GLT1D1: variants seen among roughly 807,000 people sequenced by gnomAD.
GLT1D1 encodes glycosyltransferase 1 domain-containing protein 1.
In GLT1D1, 21 loss-of-function variants were observed where a neutral mutation model predicts 28.7. The ratio of observed to expected loss-of-function variants is 0.73; its 90% CI spans 0.52 to 1.05. The LOEUF is 1.05. Among genes scored for constraint, GLT1D1 ranks in the 50% least tolerant of loss-of-function variants. The probability of loss-of-function intolerance (pLI) is 0.00; values close to 1 mark genes in which losing one functional copy is unlikely to be tolerated. For missense variants in GLT1D1, 343 were observed against 330.6 expected, an observed-to-expected ratio of 1.04 and a Z score of -0.29; for synonymous variants, 147 against 124.8, an observed-to-expected ratio of 1.18 and a Z score of -1.19.
At chr12:128,897,405 T>C (rs1234762200) in intron 3 of GLT1D1, among the ~76,000 whole-genome samples, 2 of 152,196 alleles carry the variant, frequency 1.3e-5, no homozygotes, top group Non-Finnish European at 2.9e-5. Context: ...TTTTTATCTT[T>C]AGAATTAATT....
At chr12:128,896,473 A>G (rs1023513133) in intron 3 of GLT1D1, among the ~76,000 whole-genome samples, 1 of 151,768 alleles carries the variant, frequency 6.6e-6, no homozygotes, top group Admixed American at 6.6e-5. Flanking sequence ...TTTAACCATG[A>G]CTAGCTTTTT....
At chr12:128,908,361 T>TTTCTTTCTTTCTTTCCCTTTCTTTC (rs1555266884) in intron 4 of GLT1D1, among the ~76,000 whole-genome samples, 1 of 119,920 alleles carries the variant, frequency 8.3e-6, no homozygotes, top group African/African-American at 3.0e-5. Flanking sequence ...TCTTTCTTTC[T>TTTCTTTCTTTCTTTCCCTTTCTTTC]TTTCTTTCTT....
intron 7 of GLT1D1, among the ~76,000 whole-genome samples, chr12:128,967,021 C>T (rs60967945): frequency 0.028 from 4,190 of 152,220 alleles, 168 homozygotes; most frequent in African/African-American, 0.088. Context: ...TTTATAGCTT[C>T]GAAATTAAAA....
chr12:128,934,434 T>C (rs1033272516), intron 4 of GLT1D1, among the ~76,000 whole-genome samples: 2 of 152,156 alleles, frequency 1.3e-5, no homozygotes, highest in Non-Finnish European at 1.5e-5. Context: ...CTTCAGGTGA[T>C]CCACCCGCCT....
rs1303061375 is a variant in GLT1D1, at chr12:128,897,737, C to T, written c.324-1499C>T. ...AGGCTGGAGTGCAGTGGCACGATCT[C>T]GGCTCACTGCAAGCTCCGCCTCCCG... On this transcript the variant is annotated intron_variant, in intron 3 of 7. Transcript: ENST00000281703. Among the ~76,000 whole-genome samples the T allele has an allele frequency of 7.2e-5, 11 of 151,728 alleles. No homozygotes were observed. In the East Asian group the frequency reaches 1.2e-3, roughly 16 times the overall value.
chr12:128,948,269 G>A (rs1369046666), intron 6 of GLT1D1, among the ~76,000 whole-genome samples: 1 of 152,142 alleles, frequency 6.6e-6, no homozygotes, highest in Non-Finnish European at 1.5e-5. Context: ...GTCCTAGAGA[G>A]AATCACCAGC....
At chr12:128,864,882 C>T (rs578140865) in intron 1 of GLT1D1, among the ~76,000 whole-genome samples, 22 of 152,202 alleles carry the variant, frequency 1.4e-4, no homozygotes, top group African/African-American at 4.1e-4. Flanking sequence ...GGGCACTTGA[C>T]GGTGTGCCTG....
chr12:128,889,513 C>A (rs113434692), intron 3 of GLT1D1, among the ~76,000 whole-genome samples: 178 of 152,282 alleles, frequency 1.2e-3, no homozygotes, highest in African/African-American at 3.8e-3. Flanking sequence ...CCTCCAGGTA[C>A]CACAACTACC....
chr12:128,860,863 G>C (rs1189693495), intron 1 of GLT1D1, among the ~76,000 whole-genome samples: 1 of 152,202 alleles, frequency 6.6e-6, no homozygotes, highest in Admixed American at 6.6e-5. Flanking sequence ...ACATTTGCCA[G>C]GAGAGCCAGG....
At chr12:128,877,492 C>T (rs947775063) in intron 2 of GLT1D1, among the ~76,000 whole-genome samples, 1 of 152,160 alleles carries the variant, frequency 6.6e-6, no homozygotes, top group Non-Finnish European at 1.5e-5. Flanking sequence ...GTTGAGCCCT[C>T]TCTGAACACT....
chr12:128,894,695 A>T (rs1869431458), intron 3 of GLT1D1, among the ~76,000 whole-genome samples: 1 of 151,556 alleles, frequency 6.6e-6, no homozygotes, highest in Admixed American at 6.6e-5. Flanking sequence ...AATACAGAAA[A>T]AAAAATTAGC....
At chr12:128,875,494 A>G (rs1956849046) in intron 1 of GLT1D1, among the ~76,000 whole-genome samples, 1 of 152,188 alleles carries the variant, frequency 6.6e-6, no homozygotes, top group Non-Finnish European at 1.5e-5. Flanking sequence ...TGTGGAATTC[A>G]TTTAAAATCT....
At chr12:128,944,556 G>T in intron 4 of GLT1D1, 1 of 773,702 alleles carries the variant, frequency 1.3e-6, no homozygotes, top group Non-Finnish European at 2.4e-6. Flanking sequence ...GGCCATTGGT[G>T]AGATGAATCC....
At position 128,946,283 on chromosome 12, in the gene GLT1D1, G is replaced by A. The variant is rs182002749; in HGVS notation, c.419+914G>A. Among the ~76,000 whole-genome samples the A allele has an allele frequency of 2.3e-4, 35 of 152,292 alleles. 1 individual carries two copies. Among genetic ancestry groups the A allele is most frequent in the African/African-American group, 7.2e-4 (30 of 41,570 alleles). ...TGTCTATGACAAAATAGCTGTCAGC[G>A]CTGTGTGCTGGGAACAGGGCTTTTG... On this transcript the variant is annotated intron_variant, in intron 5 of 7. Coordinates refer to ENST00000281703, the MANE Select transcript of GLT1D1 (RefSeq NM_144669.3).
chr12:128,953,476 T>A (rs1025235761), intron 6 of GLT1D1, among the ~76,000 whole-genome samples: 2 of 152,030 alleles, frequency 1.3e-5, no homozygotes, highest in African/African-American at 4.8e-5. Flanking sequence ...TGCACCTCGT[T>A]GAAAGTTTTT....
At chr12:128,884,550 C>T (rs557310286) in intron 2 of GLT1D1, among the ~76,000 whole-genome samples, 2 of 152,302 alleles carry the variant, frequency 1.3e-5, no homozygotes, top group East Asian at 1.9e-4. Context: ...CATGGTGGCT[C>T]ATACCTGTAA....
intron 7 of GLT1D1, among the ~76,000 whole-genome samples, chr12:128,982,533 T>A (rs780811890): frequency 3.9e-5 from 6 of 152,176 alleles, no homozygotes; most frequent in Non-Finnish European, 7.3e-5. Flanking sequence ...GGGTAACACC[T>A]AATTTCACAT....
intron 4 of GLT1D1, among the ~76,000 whole-genome samples, chr12:128,928,378 G>A (rs1020350372): frequency 2.6e-5 from 4 of 152,042 alleles, no homozygotes; most frequent in Admixed American, 6.6e-5. Flanking sequence ...CATTCCATGG[G>A]GACTCTGGGA....
chr12:128,958,830 C>CTTTTT (rs71072432), intron 7 of GLT1D1, among the ~76,000 whole-genome samples: 27 of 83,856 alleles, frequency 3.2e-4, no homozygotes, highest in Admixed American at 3.7e-4. Context: ...AAATAAAAAT[C>CTTTTT]TTTTTTTTTT....
Sources: gnomAD v4.1 joint callset for allele counts (sites outside exome capture counted in the v4.1 genomes callset) on GRCh38, gnomAD v4.1.1 for gene constraint, MANE v1.5 for transcripts, NCBI Gene and HGNC (gene_info 2026-07-23, HGNC 2026-07-21) for gene names.